AGTPBP1: variants seen among roughly 807,000 people sequenced by gnomAD.
AGTPBP1 encodes the protein ATP/GTP binding carboxypeptidase 1, also known as cytosolic carboxypeptidase 1.
In AGTPBP1, 70 loss-of-function variants were observed where a neutral mutation model predicts 143.9. That is an observed-to-expected ratio of 0.49 (90% CI 0.40 to 0.59). The LOEUF is 0.59. AGTPBP1 is among the 20% of genes least tolerant of loss of function. AGTPBP1 has a pLI of 0.00. For synonymous variants in AGTPBP1, 463 were observed against 500.2 expected (o/e 0.93, Z 0.99); for missense variants, 1,229 against 1,464.5 (o/e 0.84, Z 2.62).
chr9:85,640,250 A>C (rs1278899552), intron 13 of AGTPBP1, among the ~76,000 whole-genome samples: 2 of 152,220 alleles, frequency 1.3e-5, no homozygotes, highest in Non-Finnish European at 2.9e-5. Context: ...ACACACTTCA[A>C]AAAACAGAGC....
chr9:85,718,374 G>C (rs1229636188), intron 1 of AGTPBP1, among the ~76,000 whole-genome samples: 1 of 152,198 alleles, frequency 6.6e-6, no homozygotes, highest in East Asian at 1.9e-4. Flanking sequence ...ACTGGTATGA[G>C]ATGGTATCTC....
chr9:85,669,625 C>T, intron 7 of AGTPBP1, 47 bp from the exon 8 acceptor site: 1 of 1,332,148 alleles, frequency 7.5e-7, no homozygotes, highest in Non-Finnish European at 1.1e-6. Flanking sequence ...GGTTTGACAA[C>T]CAAAAATGTG....
At chr9:85,693,323 G>A (rs114731347) in intron 2 of AGTPBP1, among the ~76,000 whole-genome samples, 2,585 of 152,200 alleles carry the variant, frequency 0.017, 37 homozygotes, top group African/African-American at 0.038. Flanking sequence ...TACATAGGCC[G>A]GGCACAGAGG....
At chr9:85,731,122 A>G (rs1238340562) in intron 1 of AGTPBP1, among the ~76,000 whole-genome samples, 1 of 152,220 alleles carries the variant, frequency 6.6e-6, no homozygotes, top group Non-Finnish European at 1.5e-5. Context: ...TTTTTAAATT[A>G]GGAAGTGATA....
At chr9:85,763,185 C>A in the AGTPBP1 span, among the ~76,000 whole-genome samples, 9 of 150,078 alleles carry the variant, frequency 6.0e-5, no homozygotes, top group Admixed American at 4.7e-4. Flanking sequence ...AAAAAACAAA[C>A]AAAAAAAAAC....
At position 85,657,027 on chromosome 9, in the gene AGTPBP1, T is replaced by A. The variant is rs752788757; in HGVS notation, c.909+408A>T. Among the ~76,000 whole-genome samples, 184 of 151,490 alleles carry A rather than the reference T, an allele frequency of 1.2e-3. 3 individuals carry two copies. Among genetic ancestry groups the A allele is most frequent in the Non-Finnish European group, 2.2e-3 (152 of 67,876 alleles). ...GGGGAATATCACACTCTGGGGACTG[T>A]TGTGGGGTGGGGGGAGAGGGGAGGG... On this transcript the variant is annotated intron_variant, in intron 10 of 25. Coordinates refer to ENST00000357081, the MANE Select transcript of AGTPBP1 (RefSeq NM_001330701.2).
intron 2 of AGTPBP1, among the ~76,000 whole-genome samples, chr9:85,702,234 T>C (rs911625218): frequency 5.9e-5 from 9 of 152,168 alleles, no homozygotes; most frequent in Admixed American, 1.3e-4. Context: ...ACTGTTTCCA[T>C]TCCTTCCTTG....
At chr9:85,696,090 C>G (rs1836220963) in intron 2 of AGTPBP1, among the ~76,000 whole-genome samples, 1 of 152,134 alleles carries the variant, frequency 6.6e-6, no homozygotes, top group Non-Finnish European at 1.5e-5. Context: ...GATCTGCCTG[C>G]CTTGGCCTTC....
rs187191294 is a variant in AGTPBP1, at chr9:85,715,911, A to G, written c.-33-3345T>C. Among the ~76,000 whole-genome samples the G allele has an allele frequency of 2.0e-3, 309 of 152,328 alleles. 1 individual carries two copies. The highest frequency in any genetic ancestry group is 3.4e-3 in the Non-Finnish European group (228 of 68,028). Reference sequence around the variant, plus strand: ...AAAACTGAGCTCGAAATTTAGGTATAATCTCCTCTTTCCTCTTTACTGAAT... The same window carrying G: ...AAAACTGAGCTCGAAATTTAGGTATGATCTCCTCTTTCCTCTTTACTGAAT... On this transcript the variant is annotated intron_variant, in intron 1 of 25. Transcript: ENST00000357081.
chr9:85,720,669 T>C (rs998479530), intron 1 of AGTPBP1, among the ~76,000 whole-genome samples: 4 of 152,176 alleles, frequency 2.6e-5, no homozygotes, highest in Non-Finnish European at 5.9e-5. Context: ...CTCCTTCAGT[T>C]CTGCTCTAAT....
chr9:85,777,879 T>C, the AGTPBP1 span, among the ~76,000 whole-genome samples: 1 of 152,232 alleles, frequency 6.6e-6, no homozygotes, highest in Non-Finnish European at 1.5e-5. Context: ...TTCTGCCCAC[T>C]GGGAAGATTT....
chr9:85,672,481 G>A, intron 7 of AGTPBP1, 69 bp downstream of exon 7: 1 of 1,507,136 alleles, frequency 6.6e-7, no homozygotes, highest in African/African-American at 1.4e-5. Context: ...TACAGAATCA[G>A]GATACTTTAA....
At chr9:85,687,121 C>G (rs1416800006) in intron 3 of AGTPBP1, among the ~76,000 whole-genome samples, 1 of 152,084 alleles carries the variant, frequency 6.6e-6, no homozygotes, top group African/African-American at 2.4e-5. Flanking sequence ...AACTTTAAGT[C>G]TAGAACTATT....
intron 10 of AGTPBP1, among the ~76,000 whole-genome samples, chr9:85,657,200 C>CA (rs772108835): frequency 0.15 from 18,777 of 127,368 alleles, 1,755 homozygotes; most frequent in African/African-American, 0.28. Flanking sequence ...AAAAATAATA[C>CA]AAAAAAAAAA....
Position 85,642,935 on chromosome 9 carries a change from A to G in AGTPBP1, c.1194T>C (p.Asp398=). 1.2e-6 allele frequency: 2 copies of G among 1,609,674 alleles called. No individual in the cohort carries two copies. Among genetic ancestry groups the G allele is most frequent in the East Asian group, 2.2e-5 (1 of 44,756 alleles). ...DDLDQNFKND[D]IETDINKLKP... is the part of the protein sequence containing the mutation. Reference sequence around the variant, plus strand: ...TTAGTTTGTTAATATCTGTTTCAATATCATCATTCTGAAATGATAAAAAGA... The same window carrying G: ...TTAGTTTGTTAATATCTGTTTCAATGTCATCATTCTGAAATGATAAAAAGA... Residue 398 remains aspartate, a synonymous_variant, in exon 13 of 26, where the codon GAT becomes GAC. Transcript: ENST00000357081.
In AGTPBP1 at chr9:85,586,841, C is replaced by A; in HGVS notation, c.3023G>T (p.Arg1008Leu). ...GLLQYLAAVK[R>L]LPLVYCDYHG... ...AGTATTGCTACTTACCAAGGGTAAA[C>A]GCTTCACTGCAGCCAAGTATTGCAA... Residue 1008 changes from arginine (R) to leucine (L), a missense_variant, in exon 22 of 26, where the codon CGT (arginine) becomes CTT (leucine). Physicochemically the swap from Arg to Leu is moderately radical, Grantham distance 102. This residue lies in a region of AGTPBP1 where 486 missense variants were observed against 652.3 expected (regional missense o/e 0.75). Coordinates refer to ENST00000357081, the MANE Select transcript of AGTPBP1 (RefSeq NM_001330701.2). 6.2e-7 allele frequency: 1 copy of A among 1,613,552 alleles called. No individual in the cohort carries two copies. Among genetic ancestry groups the A allele is most frequent in the East Asian group, 2.2e-5 (1 of 44,840 alleles).
chr9:85,616,927 T>C (rs933313124), intron 17 of AGTPBP1, among the ~76,000 whole-genome samples: 65 of 152,162 alleles, frequency 4.3e-4, no homozygotes, highest in African/African-American at 1.5e-3. Context: ...AAAATATGCA[T>C]ATTTAAAAGA....
the AGTPBP1 span, chr9:85,791,678 C>CT: frequency 6.6e-6 from 1 of 152,110 alleles, no homozygotes; most frequent in East Asian, 1.9e-4. Context: ...TTGGCTATCT[C>CT]TAAACACTAA....
At chr9:85,715,028 C>T (rs1837614989) in intron 1 of AGTPBP1, among the ~76,000 whole-genome samples, 1 of 152,020 alleles carries the variant, frequency 6.6e-6, no homozygotes, top group Non-Finnish European at 1.5e-5. Context: ...GGGCGGATGA[C>T]CCGAGGTTGG....
Sources: allele counts gnomAD v4.1 joint callset (sites outside exome capture counted in the v4.1 genomes callset), GRCh38; gene constraint gnomAD v4.1.1; regional missense constraint gnomAD v4.1.1; transcripts MANE v1.5; gene names NCBI Gene and HGNC (gene_info 2026-07-23, HGNC 2026-07-21).